Variants in LNPEP observed in about 807,000 individuals in gnomAD.
LNPEP encodes the protein leucyl and cystinyl aminopeptidase, also known as leucyl-cystinyl aminopeptidase.
In LNPEP, 64 loss-of-function variants were observed where a neutral mutation model predicts 120.6. The ratio of observed to expected loss-of-function variants is 0.53; its 90% CI spans 0.43 to 0.65. The LOEUF (loss-of-function observed/expected upper bound fraction) is 0.65. Ranked by LOEUF, LNPEP falls within the 30% of genes least tolerant of loss-of-function variation. The probability of loss-of-function intolerance (pLI) is 0.00; values close to 1 mark genes in which losing one functional copy is unlikely to be tolerated. For synonymous variants in LNPEP, 435 were observed against 425.4 expected (o/e 1.02, Z -0.28); for missense variants, 1,057 against 1,200.0 (o/e 0.88, Z 1.76).
Position 96,943,171 on chromosome 5 carries a change from C to A in LNPEP, c.19+6997C>A. 5 of 493,336 alleles carry A rather than the reference C, an allele frequency of 1.0e-5. No homozygotes were observed. The South Asian group carries it at 2.8e-4, about 27-fold the overall frequency. 30.6% of individuals were successfully genotyped at this position (493,336 alleles called of 1,614,324 possible). On this transcript the variant is annotated intron_variant, in intron 1 of 17. Coordinates refer to ENST00000231368, the MANE Select transcript of LNPEP (RefSeq NM_005575.3). ...TTGAGCCAGGAGTTGAGGTTGAAGTCACCATTGCAGATGCTTAAGTCAACT... is the reference window on the plus strand; with the variant it reads ...TTGAGCCAGGAGTTGAGGTTGAAGTAACCATTGCAGATGCTTAAGTCAACT...
intron 1 of LNPEP, among the ~76,000 whole-genome samples, chr5:96,963,627 C>T (rs1225917246): frequency 6.6e-6 from 1 of 152,172 alleles, no homozygotes; most frequent in Non-Finnish European, 1.5e-5. Flanking sequence ...GGACATTCCA[C>T]AGTGTCATTT....
intron 3 of LNPEP, among the ~76,000 whole-genome samples, chr5:96,986,269 G>A (rs1372731342): frequency 1.3e-5 from 2 of 152,094 alleles, no homozygotes; most frequent in Non-Finnish European, 2.9e-5. Flanking sequence ...GAACCAATGT[G>A]ACTATCTTTA....
chr5:96,967,506 G>A (rs551896257), intron 1 of LNPEP, among the ~76,000 whole-genome samples: 2 of 152,088 alleles, frequency 1.3e-5, no homozygotes, highest in South Asian at 2.1e-4. Flanking sequence ...CAGCTTTGAG[G>A]AAAGAAGAGG....
At chr5:97,026,959 C>G (rs962852652) in intron 16 of LNPEP, among the ~76,000 whole-genome samples, 1 of 152,178 alleles carries the variant, frequency 6.6e-6, no homozygotes, top group South Asian at 2.1e-4. Context: ...AGCATTCCAT[C>G]TAAGTTCTAA....
chr5:96,968,414 T>A (rs1262567778), intron 1 of LNPEP, among the ~76,000 whole-genome samples: 2 of 152,094 alleles, frequency 1.3e-5, no homozygotes, highest in African/African-American at 2.4e-5. Flanking sequence ...ATAAATCAAG[T>A]TGTTTTTCTT....
rs1200215348 is a variant in LNPEP at position 97,010,500 on chromosome 5, G to A, written c.2036-3148G>A. On this transcript the variant is annotated intron_variant, in intron 11 of 17. Coordinates refer to ENST00000231368, the MANE Select transcript of LNPEP (RefSeq NM_005575.3). Reference sequence around the variant, plus strand: ...AATGCTTTTGAACAGGAGTGATAAAGTTCAATAGCATGTATGATGCTAGCC... The same window carrying A: ...AATGCTTTTGAACAGGAGTGATAAAATTCAATAGCATGTATGATGCTAGCC... 4.1e-6 allele frequency: 4 copies of A among 985,282 alleles called. No homozygotes were observed. The African/African-American group carries it at 7.0e-5, about 17-fold the overall frequency. 61.0% of individuals were successfully genotyped at this position (985,282 alleles called of 1,614,324 possible). A position where few individuals can be genotyped will look rare whatever the true frequency, so the allele number is the denominator to read the frequency against.
intron 2 of LNPEP, among the ~76,000 whole-genome samples, chr5:96,982,186 G>A (rs1402239952): frequency 6.6e-6 from 1 of 152,094 alleles, no homozygotes; most frequent in Non-Finnish European, 1.5e-5. Flanking sequence ...CAAACTCAAG[G>A]TCATTTTAAC....
At chr5:96,973,188 G>A (rs960370706) in intron 1 of LNPEP, among the ~76,000 whole-genome samples, 6 of 152,056 alleles carry the variant, frequency 3.9e-5, no homozygotes, top group African/African-American at 1.2e-4. Flanking sequence ...AACTTCTCAT[G>A]AGCACTGTAA....
rs1380717985 is a variant in LNPEP, at chr5:97,030,548, G to T, written c.*2015G>T. 1.3e-5 allele frequency: 2 copies of T among 151,110 alleles called. No homozygotes were observed. Among genetic ancestry groups the T allele is most frequent in the Non-Finnish European group, 2.9e-5 (2 of 67,868 alleles). The allele number at this position is 151,110 out of a possible 1,614,324, so 9.4% of individuals were successfully genotyped here. A position where few individuals can be genotyped will look rare whatever the true frequency, so the allele number is the denominator to read the frequency against. On this transcript the variant is annotated 3_prime_UTR_variant, in exon 18 of 18. Coordinates refer to ENST00000231368, the MANE Select transcript of LNPEP (RefSeq NM_005575.3). ...TGCTTCTTGACATCGCTCCTATAAT[G>T]TATGTTAGTTAACTCTGCATATGGC...
chr5:96,942,114 G>A (rs1238332864), intron 1 of LNPEP, among the ~76,000 whole-genome samples: 2 of 152,148 alleles, frequency 1.3e-5, no homozygotes, highest in African/African-American at 2.4e-5. Context: ...ACATTTGCCA[G>A]AAATTTAAGC....
chr5:96,989,340 TATATA>T (rs1257008901), intron 4 of LNPEP, among the ~76,000 whole-genome samples: 9 of 22,386 alleles, frequency 4.0e-4, no homozygotes, highest in African/African-American at 1.2e-3. Context: ...TTATATATAA[TATATA>T]ATATATTATA....
rs563429680 is a variant in LNPEP, at chr5:96,946,548, A to C, written c.19+10374A>C. Among the ~76,000 whole-genome samples, 23 of 152,354 alleles carry C rather than the reference A, an allele frequency of 1.5e-4. No individual in the cohort carries two copies. The South Asian group carries it at 3.7e-3, about 25-fold the overall frequency. ...GAAATATTATTGCGATAAAGACTTG[A>C]AGAATTTATGCATAGAATCTTGTCT... On this transcript the variant is annotated intron_variant, in intron 1 of 17. Transcript: ENST00000231368.
chr5:96,953,627 T>C (rs1789375345), intron 1 of LNPEP, among the ~76,000 whole-genome samples: 1 of 152,222 alleles, frequency 6.6e-6, no homozygotes, highest in Non-Finnish European at 1.5e-5. Context: ...CCAAATAATA[T>C]GTTGCCATAT....
At chr5:97,015,188 C>T in intron 13 of LNPEP, 93 bp downstream of exon 13, 1 of 764,256 alleles carries the variant, frequency 1.3e-6, no homozygotes, top group Non-Finnish European at 1.9e-6. Context: ...GAAAAAGCAA[C>T]CAGTTAAATT....
At chr5:96,981,230 GAGAA>G (rs547149678) in intron 2 of LNPEP, among the ~76,000 whole-genome samples, 7 of 152,108 alleles carry the variant, frequency 4.6e-5, no homozygotes, top group African/African-American at 1.4e-4. Context: ...AATTAAAAGA[GAGAA>G]AGACAAAAAA....
In LNPEP at chr5:97,022,461, G is replaced by T. The variant is rs753357549; in HGVS notation, c.2538G>T (p.Trp846Cys). Residue 846 changes from tryptophan (W) to cysteine (C), a missense_variant, in exon 14 of 18, where the codon TGG becomes TGT. Physicochemically the swap from Trp to Cys is radical, Grantham distance 215. Coordinates refer to ENST00000231368, the MANE Select transcript of LNPEP (RefSeq NM_005575.3). ...CTGCCATGAAACTGTTTGATGACTG[G>T]ATGGCATCCAATGGAACTCAAAGGT... ...STTAMKLFDDWMASNGTQSLP... is the reference protein window; with the variant it reads ...STTAMKLFDDCMASNGTQSLP... The T allele has an allele frequency of 6.2e-7, 1 of 1,613,840 alleles. No homozygotes were observed. The highest frequency in any genetic ancestry group is 8.5e-7 in the Non-Finnish European group (1 of 1,179,858).
intron 6 of LNPEP, among the ~76,000 whole-genome samples, chr5:96,995,294 G>C (rs1019878153): frequency 9.9e-5 from 15 of 152,084 alleles, no homozygotes; most frequent in African/African-American, 3.6e-4. Context: ...AATTCTCAAA[G>C]GTGTTTTGTT....
rs1319419040 is a variant in LNPEP, at chr5:97,032,862, T to C, written c.*4329T>C. 2.6e-5 allele frequency: 4 copies of C among 152,242 alleles called. No homozygotes were observed. 9.4% of individuals were successfully genotyped at this position (152,242 alleles called of 1,614,324 possible). On this transcript the variant is annotated 3_prime_UTR_variant, in exon 18 of 18. Coordinates refer to ENST00000231368, the MANE Select transcript of LNPEP (RefSeq NM_005575.3). ...CAGAGTAGTCCTAGTTGCTGTTGTT[T>C]TGATCTAGTCTTGGGGCTGGGGTTG...
intron 11 of LNPEP, 138 bp from the exon 12 acceptor site, chr5:97,013,510 C>T (rs999388058): frequency 8.0e-5 from 37 of 463,568 alleles, no homozygotes; most frequent in Admixed American, 1.2e-4. Context: ...GTGAAAATAA[C>T]TGTACTTGGA....
Sources: gnomAD v4.1 joint callset for allele counts (sites outside exome capture counted in the v4.1 genomes callset) on GRCh38, gnomAD v4.1.1 for gene constraint, MANE v1.5 for transcripts, NCBI Gene and HGNC (gene_info 2026-07-23, HGNC 2026-07-21) for gene names.